Variants in DOCK1 observed in about 807,000 individuals in gnomAD.
DOCK1 encodes the protein dedicator of cytokinesis 1.
Under a neutral mutation model 262.7 loss-of-function variants are expected in DOCK1, and 138 were observed. The ratio of observed to expected loss-of-function variants is 0.53; its 90% CI spans 0.46 to 0.61. The LOEUF (loss-of-function observed/expected upper bound fraction) is 0.61. DOCK1 is among the 20% of genes least tolerant of loss of function. The pLI is 0.00. For missense variants in DOCK1, 1,908 were observed against 2,370.7 expected (o/e 0.80, Z 4.05); for synonymous variants, 866 against 867.4 (o/e 1.00, Z 0.03).
rs768238882 is a variant in DOCK1 at position 127,409,117 on chromosome 10, C to T, written c.4203C>T (p.Asn1401=). Residue 1401 remains asparagine (N), a synonymous_variant, in exon 41 of 52, where the codon AAC becomes AAT. Transcript: ENST00000623213. ...CTCGGCTCTTAACTCAGTTTCCAAACGCCGAGAAAATGAAGACAACATCTC... is the reference window on the plus strand; with the variant it reads ...CTCGGCTCTTAACTCAGTTTCCAAATGCCGAGAAAATGAAGACAACATCTC... ...FEARLLTQFP[N]AEKMKTTSPP... is the part of the protein sequence containing the mutation. The T allele has an allele frequency of 1.4e-5, 23 of 1,609,706 alleles. No homozygotes were observed. The African/African-American group carries it at 2.1e-4, about 15-fold the overall frequency.
At chr10:126,985,802 A>G (rs1232487314) in intron 4 of DOCK1, among the ~76,000 whole-genome samples, 1 of 152,090 alleles carries the variant, frequency 6.6e-6, no homozygotes, top group Non-Finnish European at 1.5e-5. Context: ...TTTAATAGTC[A>G]TGTTCTTCAG....
Position 126,984,006 on chromosome 10 carries a change from C to T in DOCK1, c.227+2033C>T, listed in dbSNP as rs117339549. Among the ~76,000 whole-genome samples the T allele has an allele frequency of 1.7e-3, 252 of 152,296 alleles. 2 individuals carry two copies. Among genetic ancestry groups the T allele is most frequent in the Non-Finnish European group, 1.4e-3 (94 of 68,030 alleles). ...CTTCACTGAAAGCCCCTCTTAACGC[C>T]GATGCTCTTATCCTCTTCTTATTAT... On this transcript the variant is annotated intron_variant, in intron 4 of 51. Transcript: ENST00000623213.
chr10:127,178,677 T>TG (rs1321742756), intron 27 of DOCK1, among the ~76,000 whole-genome samples: 1 of 152,182 alleles, frequency 6.6e-6, no homozygotes, highest in Non-Finnish European at 1.5e-5. Context: ...ATTTGGAGAT[T>TG]GCTGCAATTT....
At chr10:127,084,012 G>C (rs77288623) in intron 23 of DOCK1, among the ~76,000 whole-genome samples, 4,023 of 152,198 alleles carry the variant, frequency 0.026, 116 homozygotes, top group East Asian at 0.11. Flanking sequence ...TATTTGTAAT[G>C]GGTCTAAATC....
chr10:127,326,760 T>C (rs1645980825), intron 29 of DOCK1, among the ~76,000 whole-genome samples: 1 of 152,238 alleles, frequency 6.6e-6, no homozygotes, highest in Non-Finnish European at 1.5e-5. Flanking sequence ...GAGAAATCAC[T>C]ATCTCTGGCA....
rs527812580 is a variant in DOCK1, at chr10:127,113,007, C to T, written c.2623+2653C>T. Among the ~76,000 whole-genome samples the T allele has an allele frequency of 1.2e-4, 18 of 152,290 alleles. No individual in the cohort carries two copies. The South Asian group carries it at 2.1e-3, about 18-fold the overall frequency. On this transcript the variant is annotated intron_variant, in intron 25 of 51. Transcript: ENST00000623213. ...GGAGAGATTTATCACCAGAAATCTT[C>T]CAGTTGGTCCATTCTTACAAAAGAT...
intron 27 of DOCK1, among the ~76,000 whole-genome samples, chr10:127,160,885 C>T (rs2053540381): frequency 6.6e-6 from 1 of 152,200 alleles, no homozygotes; most frequent in African/African-American, 2.4e-5. Context: ...TGTGCACTAG[C>T]TGTCTCTTCT....
chr10:127,057,928 A>C (rs77652589), intron 22 of DOCK1, among the ~76,000 whole-genome samples: 1,898 of 152,320 alleles, frequency 0.012, 36 homozygotes, highest in African/African-American at 0.043. Context: ...TAAGTAGAGC[A>C]AGGAATGAGC....
intron 1 of DOCK1, among the ~76,000 whole-genome samples, chr10:126,907,991 A>G (rs1377935933): frequency 6.6e-6 from 1 of 152,248 alleles, no homozygotes; most frequent in Non-Finnish European, 1.5e-5. Flanking sequence ...AAAGATGTGA[A>G]GGGCTGAAGG....
chr10:127,183,972 A>G (rs1416297532), intron 27 of DOCK1, among the ~76,000 whole-genome samples: 1 of 152,086 alleles, frequency 6.6e-6, no homozygotes, highest in Non-Finnish European at 1.5e-5. Flanking sequence ...TCCTTCCCTC[A>G]CAAAGTTTCA....
chr10:127,432,055 T>A lies in DOCK1; in HGVS notation c.4915-1228T>A, dbSNP rs942236161. On this transcript the variant is annotated intron_variant, in intron 47 of 51. Transcript: ENST00000623213. ...CTGGGTTGTGCACTCCTTATGAGAA[T>A]CTAATGCCTGATGATCTGAGGTGCA... is the stretch of plus-strand genomic sequence containing the variant. Among the ~76,000 whole-genome samples the A allele has an allele frequency of 9.1e-4, 138 of 152,266 alleles. 1 individual carries two copies. The highest frequency in any genetic ancestry group is 3.0e-3 in the African/African-American group (125 of 41,570).
At chr10:127,325,222 C>T (rs967643206) in intron 29 of DOCK1, among the ~76,000 whole-genome samples, 4 of 152,076 alleles carry the variant, frequency 2.6e-5, no homozygotes, top group Non-Finnish European at 4.4e-5. Context: ...AGCCGAAGCA[C>T]CCACCCAGGT....
chr10:126,907,740 G>A (rs1421624817), intron 1 of DOCK1, among the ~76,000 whole-genome samples: 1 of 152,156 alleles, frequency 6.6e-6, no homozygotes, highest in Admixed American at 6.5e-5. Context: ...TGGGGAGGAG[G>A]CTGAGGGCCA....
intron 43 of DOCK1, among the ~76,000 whole-genome samples, chr10:127,414,896 G>T (rs2068069689): frequency 6.6e-6 from 1 of 152,172 alleles, no homozygotes. Context: ...TACTTTCATT[G>T]TCAAATACCA....
chr10:127,223,646 G>A (rs1410613296), intron 27 of DOCK1, among the ~76,000 whole-genome samples: 1 of 152,094 alleles, frequency 6.6e-6, no homozygotes, highest in Non-Finnish European at 1.5e-5. Context: ...TTTTGAATAA[G>A]GGATACTCCA....
intron 12 of DOCK1, among the ~76,000 whole-genome samples, chr10:127,017,500 G>GACAA (rs1565070305): frequency 1.3e-5 from 2 of 150,188 alleles, no homozygotes; most frequent in Non-Finnish European, 3.0e-5. Flanking sequence ...GATACACAGA[G>GACAA]ACACACACAG....
At chr10:127,026,077 G>C in intron 15 of DOCK1, 2 of 187,492 alleles carry the variant, frequency 1.1e-5, no homozygotes, top group Non-Finnish European at 9.5e-6. Flanking sequence ...AAAAAAGAAA[G>C]AAAAAAGAAT....
In DOCK1 at chr10:126,947,315, ATGG is replaced by A. The variant is rs1276657929; in HGVS notation, c.47-23379_47-23377del. Among the ~76,000 whole-genome samples, 309 of 80,144 alleles carry A rather than the reference ATGG, an allele frequency of 3.9e-3. 1 individual carries two copies. Among genetic ancestry groups the A allele is most frequent in the Middle Eastern group, 7.0e-3 (1 of 142 alleles). The allele number at this position is 80,144 out of a possible 152,430, so 52.6% of individuals were successfully genotyped here. A position where few individuals can be genotyped will look rare whatever the true frequency, so the allele number is the denominator to read the frequency against. On this transcript the variant is annotated intron_variant, in intron 1 of 51. Coordinates refer to ENST00000623213, the MANE Select transcript of DOCK1 (RefSeq NM_001290223.2). ...GTTGGTAGTATTACTGTTGGTGGTGATGGTGGTGGTTGGTAGTATTACTGTTGG... is the reference window on the plus strand; with the variant it reads ...GTTGGTAGTATTACTGTTGGTGGTGATGGTGGTTGGTAGTATTACTGTTGG...
At chr10:127,246,757 T>C (rs2059444153) in intron 27 of DOCK1, among the ~76,000 whole-genome samples, 1 of 152,260 alleles carries the variant, frequency 6.6e-6, no homozygotes, top group African/African-American at 2.4e-5. Context: ...TATTGGATTT[T>C]AACATTTCAC....
Sources: gnomAD v4.1 joint callset for allele counts (sites outside exome capture counted in the v4.1 genomes callset) on GRCh38, gnomAD v4.1.1 for gene constraint, MANE v1.5 for transcripts, NCBI Gene and HGNC (gene_info 2026-07-23, HGNC 2026-07-21) for gene names.